PCDHGA1: variants seen among roughly 807,000 people sequenced by gnomAD.
PCDHGA1 encodes the protein protocadherin gamma-A1.
A neutral mutation model predicts 58.0 loss-of-function variants in PCDHGA1; 32 were observed. The observed-to-expected ratio is 0.55, with a 90% CI of 0.42 to 0.74. The LOEUF is 0.74. Among genes scored for constraint, PCDHGA1 ranks in the 30% least tolerant of loss-of-function variants. The probability of loss-of-function intolerance (pLI) is 0.00; values close to 1 mark genes in which losing one functional copy is unlikely to be tolerated. For synonymous variants in PCDHGA1, 498 were observed against 501.1 expected (o/e 0.99, Z 0.08); for missense variants, 1,205 against 1,182.3 (o/e 1.02, Z -0.28).
chr5:141,472,980 C>CAAAAAAAAAAAAAAAAAAGAAAAAAAA (rs60579131), intron 1 of PCDHGA1, among the ~76,000 whole-genome samples: 1 of 86,106 alleles, frequency 1.2e-5, no homozygotes, highest in Non-Finnish European at 2.5e-5. Flanking sequence ...GAGTGAAACT[C>CAAAAAAAAAAAAAAAAAAGAAAAAAAA]AAAAAAAAAA....
chr5:141,350,455 G>T (rs1039998570), intron 1 of PCDHGA1: 2 of 1,613,218 alleles, frequency 1.2e-6, no homozygotes, highest in Non-Finnish European at 1.7e-6. Context: ...GAAAACTGCG[G>T]GTTAGTGCAG....
chr5:141,340,511 C>T lies in PCDHGA1; in HGVS notation c.2421+7406C>T, dbSNP rs149259592. 2.8e-5 allele frequency: 45 copies of T among 1,614,254 alleles called. No homozygotes were observed. The African/African-American group carries it at 5.2e-4, about 19-fold the overall frequency. On this transcript the variant is annotated intron_variant, in intron 1 of 3. Transcript: ENST00000517417. The stretch of plus-strand genomic sequence containing the variant: ...CTCTATCAACTCCGACACTGGAGTA[C>T]TCTATGCACTGCGCTCCTTTGATTA...
chr5:141,413,533 C>G, intron 1 of PCDHGA1: 1 of 1,613,934 alleles, frequency 6.2e-7, no homozygotes, highest in Non-Finnish European at 8.5e-7. Flanking sequence ...CAGGGTGAAA[C>G]TTTTTGGGAT....
chr5:141,355,816 G>T (rs1759996030), intron 1 of PCDHGA1: 1 of 1,613,048 alleles, frequency 6.2e-7, no homozygotes, highest in South Asian at 1.1e-5. Context: ...CGAGGAAGAG[G>T]CGGTTCACCA....
chr5:141,345,653 T>TC, intron 1 of PCDHGA1: 14 of 1,614,138 alleles, frequency 8.7e-6, no homozygotes, highest in Non-Finnish European at 1.1e-5. Context: ...GCGGGAACCC[T>TC]CCACTCAGCA....
intron 1 of PCDHGA1, chr5:141,399,680 A>G (rs1182095574): frequency 1.2e-6 from 2 of 1,613,514 alleles, no homozygotes; most frequent in East Asian, 2.2e-5. Context: ...GCCTTTGACT[A>G]CGAGCAGCTG....
chr5:141,492,829 C>T (rs2099744241), intron 1 of PCDHGA1, among the ~76,000 whole-genome samples: 1 of 152,232 alleles, frequency 6.6e-6, no homozygotes, highest in Non-Finnish European at 1.5e-5. Context: ...CGGCCCCTTC[C>T]TCCCGCAGGA....
rs994881086 is a variant in PCDHGA1, at chr5:141,417,704, A to C, written c.2422-77103A>C. 1.0e-4 allele frequency: 125 copies of C among 1,207,342 alleles called. 3 individuals are homozygous for C. In the East Asian group the frequency reaches 2.7e-3, roughly 26 times the overall value. The allele number at this position is 1,207,342 out of a possible 1,614,324, so 74.8% of individuals were successfully genotyped here. Reference sequence around the variant, plus strand: ...CAGAAAAGAAAACCAGCTCCCACACAGAGGCTCCCGGCTGCGCAGACCTTG... The same window carrying C: ...CAGAAAAGAAAACCAGCTCCCACACCGAGGCTCCCGGCTGCGCAGACCTTG... On this transcript the variant is annotated intron_variant, in intron 1 of 3. Transcript: ENST00000517417.
intron 1 of PCDHGA1, among the ~76,000 whole-genome samples, chr5:141,444,192 A>ATT: frequency 1.9e-5 from 1 of 52,730 alleles, no homozygotes; most frequent in African/African-American, 7.7e-5. Flanking sequence ...TTTTTTTGAG[A>ATT]TGGAGTTTCA....
In PCDHGA1 at chr5:141,431,538, AGCTGCTTGTAGTCAAC is replaced by A; in HGVS notation, c.2422-63265_2422-63250del. 2 of 1,614,114 alleles carry A rather than the reference AGCTGCTTGTAGTCAAC, an allele frequency of 1.2e-6. No homozygotes were observed. Among genetic ancestry groups the A allele is most frequent in the Non-Finnish European group, 1.7e-6 (2 of 1,180,024 alleles). ...CCGGAGAATCTGGCCTTGGGCACGC[AGCTGCTTGTAGTCAAC>A]GCTACCGACCCTGACGAAGGAGTCA... On this transcript the variant is annotated intron_variant, in intron 1 of 3. Coordinates refer to ENST00000517417, the MANE Select transcript of PCDHGA1 (RefSeq NM_018912.3). This position sits in a 1 kb window ranked among gnomAD's most constrained non-coding sequence, Gnocchi z 4.8.
At position 141,353,083 on chromosome 5, in the gene PCDHGA1, T is replaced by A. The variant is rs1164275141; in HGVS notation, c.2421+19978T>A. 3.3e-5 allele frequency among the ~76,000 whole-genome samples: 5 copies of A among 152,318 alleles called. No homozygotes were observed. In the East Asian group the frequency reaches 9.6e-4, roughly 29 times the overall value. On this transcript the variant is annotated intron_variant, in intron 1 of 3. Coordinates refer to ENST00000517417, the MANE Select transcript of PCDHGA1 (RefSeq NM_018912.3). ...TCATTGTTCTAGTGATGGTATCTAC[T>A]GCGGGAGGGGGTACTAGATAGATGG...
intron 2 of PCDHGA1, among the ~76,000 whole-genome samples, chr5:141,501,868 C>G (rs1016056445): frequency 1.3e-5 from 2 of 152,120 alleles, no homozygotes; most frequent in African/African-American, 2.4e-5. Flanking sequence ...TCCCAGGACG[C>G]CTCCTTACAC....
chr5:141,341,467 T>A, intron 1 of PCDHGA1: 1 of 1,594,014 alleles, frequency 6.3e-7, no homozygotes, highest in Non-Finnish European at 8.5e-7. Context: ...TTACTATATC[T>A]ATTTTGTTCC....
intron 1 of PCDHGA1, chr5:141,426,609 G>A (rs1026143678): frequency 5.2e-6 from 2 of 382,862 alleles, no homozygotes; most frequent in African/African-American, 4.2e-5. Flanking sequence ...AGAGATTGTA[G>A]CAGAGAATCC....
At chr5:141,465,047 T>C (rs2099095978) in intron 1 of PCDHGA1, among the ~76,000 whole-genome samples, 1 of 152,088 alleles carries the variant, frequency 6.6e-6, no homozygotes, top group Non-Finnish European at 1.5e-5. Context: ...TGACCCTATA[T>C]ATTTTTTTGA....
At chr5:141,502,169 G>A (rs1366413076) in intron 2 of PCDHGA1, among the ~76,000 whole-genome samples, 1 of 152,110 alleles carries the variant, frequency 6.6e-6, no homozygotes, top group African/African-American at 2.4e-5. Flanking sequence ...ATTCAGTTGA[G>A]GAATTTAACA....
At chr5:141,389,195 C>T (rs764168847) in intron 1 of PCDHGA1, 2 of 1,614,052 alleles carry the variant, frequency 1.2e-6, no homozygotes, top group Non-Finnish European at 1.7e-6. Flanking sequence ...CCAGCATCAC[C>T]CTGCACATTG....
intron 1 of PCDHGA1, chr5:141,361,429 CT>C (rs1482973199): frequency 6.2e-6 from 10 of 1,613,948 alleles, no homozygotes; most frequent in Non-Finnish European, 8.5e-6. Context: ...CAAGCCGCCC[CT>C]CTCCTCCAGC....
intron 1 of PCDHGA1, chr5:141,427,761 G>A (rs1228905550): frequency 3.7e-6 from 5 of 1,366,246 alleles, no homozygotes; most frequent in Non-Finnish European, 4.1e-6. Flanking sequence ...CGTTACCACT[G>A]ACTTGGAGCT....
Sources: gnomAD v4.1 joint callset for allele counts (sites outside exome capture counted in the v4.1 genomes callset) on GRCh38, gnomAD v4.1.1 for gene constraint, Gnocchi (gnomAD v3.1) non-coding constraint, MANE v1.5 for transcripts, NCBI Gene and HGNC (gene_info 2026-07-23, HGNC 2026-07-21) for gene names.